Variants in KHDRBS2 observed in about 807,000 individuals in gnomAD.
The protein encoded by KHDRBS2 is KH domain-containing, RNA-binding, signal transduction-associated protein 2.
KHDRBS2 carries 26 observed loss-of-function variants against 44.3 expected under a neutral mutation model. That is an observed-to-expected ratio of 0.59 (90% CI 0.43 to 0.81). The LOEUF (loss-of-function observed/expected upper bound fraction) is 0.81, where lower values mean the gene tolerates loss of function less well. Ranked by LOEUF, KHDRBS2 falls within the 40% of genes least tolerant of loss-of-function variation. KHDRBS2 has a pLI of 0.00. For synonymous variants in KHDRBS2, 194 were observed against 151.1 expected (o/e 1.28, Z -2.08); for missense variants, 476 against 433.1 (o/e 1.10, Z -0.88).
chr6:61,772,592 A>C (rs888601509), intron 6 of KHDRBS2, among the ~76,000 whole-genome samples: 1 of 152,132 alleles, frequency 6.6e-6, no homozygotes, highest in Non-Finnish European at 1.5e-5. Flanking sequence ...TGACACATAC[A>C]TCCTCTCAAG....
At chr6:61,903,819 G>T (rs1468003103) in intron 4 of KHDRBS2, among the ~76,000 whole-genome samples, 1 of 152,122 alleles carries the variant, frequency 6.6e-6, no homozygotes, top group African/African-American at 2.4e-5. Context: ...AGGATGAGAG[G>T]TAACGTGAAG....
intron 2 of KHDRBS2, among the ~76,000 whole-genome samples, chr6:62,056,652 T>G (rs1790350790): frequency 6.6e-6 from 1 of 151,990 alleles, no homozygotes; most frequent in South Asian, 2.1e-4. Flanking sequence ...CAATTCAAGT[T>G]GAGTTAAATG....
the KHDRBS2 span, among the ~76,000 whole-genome samples, chr6:61,669,226 A>G: frequency 6.6e-6 from 1 of 151,082 alleles, no homozygotes; most frequent in African/African-American, 2.4e-5. Flanking sequence ...CAAAAACACA[A>G]CAGTCTTGAC....
At chr6:62,196,516 C>T (rs1436563327) in intron 1 of KHDRBS2, among the ~76,000 whole-genome samples, 3 of 152,108 alleles carry the variant, frequency 2.0e-5, no homozygotes, top group Non-Finnish European at 4.4e-5. Flanking sequence ...CCACCAAGCT[C>T]CCTGTACAGA....
intron 1 of KHDRBS2, among the ~76,000 whole-genome samples, chr6:62,190,152 T>C (rs1020378904): frequency 5.3e-5 from 8 of 151,888 alleles, no homozygotes; most frequent in African/African-American, 1.9e-4. Flanking sequence ...AAAATGTAGA[T>C]CACAAGATTC....
At chr6:62,127,983 G>C (rs1239531424) in intron 2 of KHDRBS2, among the ~76,000 whole-genome samples, 1 of 152,104 alleles carries the variant, frequency 6.6e-6, no homozygotes, top group Non-Finnish European at 1.5e-5. Context: ...GCTAAAACAA[G>C]AGTACCTGTC....
chr6:61,623,592 C>T, the KHDRBS2 span, among the ~76,000 whole-genome samples: 1 of 152,174 alleles, frequency 6.6e-6, no homozygotes, highest in Admixed American at 6.5e-5. Flanking sequence ...GGTCCATTAG[C>T]ATTCCATTTA....
At chr6:61,944,996 T>C (rs1220422221) in intron 4 of KHDRBS2, among the ~76,000 whole-genome samples, 2 of 148,088 alleles carry the variant, frequency 1.4e-5, no homozygotes, top group Non-Finnish European at 3.0e-5. Context: ...GAGGCTGAGG[T>C]AGGAGAATGT....
chr6:61,930,523 T>TAAAAAAAAAAAAAAAAAAAAC (rs1809814508), intron 4 of KHDRBS2, among the ~76,000 whole-genome samples: 1 of 39,220 alleles, frequency 2.5e-5, no homozygotes, highest in Non-Finnish European at 4.4e-5. Context: ...ATACCGCCCC[T>TAAAAAAAAAAAAAAAAAAAAC]AAAAAAAAAA....
intron 7 of KHDRBS2, among the ~76,000 whole-genome samples, chr6:61,714,137 A>G (rs1437295125): frequency 6.7e-6 from 1 of 148,652 alleles, no homozygotes; most frequent in Non-Finnish European, 1.5e-5. Flanking sequence ...ATATTTTAAA[A>G]CTATTCATTT....
intron 3 of KHDRBS2, among the ~76,000 whole-genome samples, chr6:62,041,956 C>T (rs1448610931): frequency 6.6e-6 from 1 of 151,924 alleles, no homozygotes; most frequent in Admixed American, 6.6e-5. Context: ...GATGAAGATG[C>T]TAATTTGAGA....
At chr6:62,186,251 G>C (rs1823390993) in intron 1 of KHDRBS2, among the ~76,000 whole-genome samples, 1 of 152,014 alleles carries the variant, frequency 6.6e-6, no homozygotes, top group Admixed American at 6.6e-5. Flanking sequence ...GTTTAAAACG[G>C]GAATAATATC....
the KHDRBS2 span, among the ~76,000 whole-genome samples, chr6:61,634,512 C>T: frequency 7.0e-6 from 1 of 142,872 alleles, no homozygotes. Context: ...TTGTCTTTCC[C>T]TGTCCTAATA....
intron 4 of KHDRBS2, among the ~76,000 whole-genome samples, chr6:61,955,888 A>C (rs1221292052): frequency 6.6e-6 from 1 of 152,120 alleles, no homozygotes; most frequent in Admixed American, 6.6e-5. Context: ...TTAGATTATG[A>C]AGCTGAGACA....
intron 6 of KHDRBS2, among the ~76,000 whole-genome samples, chr6:61,772,847 C>G (rs544941935): frequency 6.6e-6 from 1 of 151,868 alleles, no homozygotes; most frequent in East Asian, 1.9e-4. Flanking sequence ...GTGTCCATGT[C>G]TTCTAATTGT....
intron 1 of KHDRBS2, among the ~76,000 whole-genome samples, chr6:62,282,671 T>A (rs1002246948): frequency 2.0e-5 from 3 of 152,130 alleles, no homozygotes; most frequent in African/African-American, 7.2e-5. Context: ...CAAAATAAAG[T>A]ATATGCCTCA....
At chr6:61,728,531 A>C (rs1773943670) in intron 7 of KHDRBS2, among the ~76,000 whole-genome samples, 1 of 152,198 alleles carries the variant, frequency 6.6e-6, no homozygotes, top group African/African-American at 2.4e-5. Flanking sequence ...AAAATAACTT[A>C]AACATTTAAC....
chr6:62,150,733 T>C (rs913111141), intron 2 of KHDRBS2, among the ~76,000 whole-genome samples: 2 of 152,208 alleles, frequency 1.3e-5, no homozygotes, highest in Non-Finnish European at 2.9e-5. Context: ...TATGTTGTTT[T>C]TCTAAAAGTA....
intron 2 of KHDRBS2, among the ~76,000 whole-genome samples, chr6:62,107,400 C>T (rs947941656): frequency 1.3e-5 from 2 of 152,048 alleles, no homozygotes; most frequent in East Asian, 1.9e-4. Context: ...CGTGAAGGAC[C>T]TCTTCAAGGA....
Sources: allele counts gnomAD v4.1 joint callset (sites outside exome capture counted in the v4.1 genomes callset), GRCh38; gene constraint gnomAD v4.1.1; transcripts MANE v1.5; gene names NCBI Gene and HGNC (gene_info 2026-07-23, HGNC 2026-07-21).